The following DYTN variants were observed in gnomAD, a reference collection of about 807,000 sequenced individuals.
The protein encoded by DYTN is dystrotelin.
In DYTN, 75 loss-of-function variants were observed where a neutral mutation model predicts 69.6. That is an observed-to-expected ratio of 1.08 (90% CI 0.89 to 1.31). The LOEUF (loss-of-function observed/expected upper bound fraction) is 1.31. Ranked by LOEUF, DYTN falls within the 50% of genes most tolerant of loss-of-function variation. DYTN has a pLI of 0.00. For synonymous variants in DYTN, 252 were observed against 249.1 expected (o/e 1.01, Z -0.11); for missense variants, 726 against 688.4 (o/e 1.05, Z -0.61).
chr2:206,714,361 C>T (rs1398017246), intron 1 of DYTN, among the ~76,000 whole-genome samples: 1 of 152,136 alleles, frequency 6.6e-6, no homozygotes, highest in Non-Finnish European at 1.5e-5. Flanking sequence ...CACCACCACG[C>T]CCGGCTAATT....
chr2:206,674,618 A>G (rs929447424), intron 9 of DYTN, among the ~76,000 whole-genome samples: 79 of 152,288 alleles, frequency 5.2e-4, no homozygotes, highest in African/African-American at 1.9e-3. Flanking sequence ...ACTGATGCAG[A>G]TAAGATGGAG....
rs746456344 is a variant in DYTN, at chr2:206,693,164, C to CA, written c.980+10dup. 3 of 1,602,112 alleles carry CA rather than the reference C, an allele frequency of 1.9e-6. No individual in the cohort carries two copies. The South Asian group carries it at 3.3e-5, about 18-fold the overall frequency. On this transcript the variant is annotated intron_variant, in intron 9 of 11. Transcript: ENST00000452335. The stretch of plus-strand genomic sequence containing the variant: ...GCTCTGTGGGATCAGCCAATCCTCG[C>CA]AGCCACTCACCTGGCCTGCGCATGG...
At chr2:206,691,934 T>C (rs1699867432) in intron 9 of DYTN, among the ~76,000 whole-genome samples, 1 of 152,196 alleles carries the variant, frequency 6.6e-6, no homozygotes, top group Non-Finnish European at 1.5e-5. Flanking sequence ...AATCTATTCT[T>C]ATAGTCCTAG....
intron 9 of DYTN, among the ~76,000 whole-genome samples, chr2:206,671,933 G>A (rs1204325287): frequency 1.3e-5 from 2 of 152,206 alleles, no homozygotes; most frequent in African/African-American, 2.4e-5. Context: ...CAATGCTGTA[G>A]TAAACATAGC....
chr2:206,709,946 A>C (rs537870859), intron 2 of DYTN, among the ~76,000 whole-genome samples: 1 of 152,296 alleles, frequency 6.6e-6, no homozygotes, highest in Non-Finnish European at 1.5e-5. Flanking sequence ...AGTAGGAGAA[A>C]AGAAAAGAAA....
intron 7 of DYTN, 61 bp from the exon 8 acceptor site, chr2:206,694,938 A>G (rs1699905314): frequency 3.3e-6 from 4 of 1,226,928 alleles, no homozygotes; most frequent in Non-Finnish European, 4.4e-6. Context: ...AAAAAAAAAA[A>G]GAATATCCAG....
chr2:206,684,519 G>A (rs1434476166), intron 9 of DYTN, among the ~76,000 whole-genome samples: 1 of 152,094 alleles, frequency 6.6e-6, no homozygotes, highest in Non-Finnish European at 1.5e-5. Flanking sequence ...TGCCCATGCT[G>A]GTATCAAATT....
chr2:206,703,668 A>G (rs1386710669), intron 5 of DYTN, among the ~76,000 whole-genome samples: 2 of 152,010 alleles, frequency 1.3e-5, no homozygotes, highest in Non-Finnish European at 2.9e-5. Flanking sequence ...TCCAATCCAT[A>G]CTCCCTGTCC....
At chr2:206,655,227 T>A (rs1699434182) in intron 11 of DYTN, among the ~76,000 whole-genome samples, 1 of 150,326 alleles carries the variant, frequency 6.7e-6, no homozygotes, top group South Asian at 2.1e-4. Flanking sequence ...TTTTCCTATA[T>A]CTATTGTGAT....
intron 10 of DYTN, among the ~76,000 whole-genome samples, chr2:206,664,735 A>G (rs1699551573): frequency 6.6e-6 from 1 of 152,216 alleles, no homozygotes; most frequent in South Asian, 2.1e-4. Flanking sequence ...GCATCCTACC[A>G]CTATGAGCTT....
At chr2:206,699,612 TC>T (rs1444883349) in intron 7 of DYTN, 114 bp downstream of exon 7, 6 of 1,302,660 alleles carry the variant, frequency 4.6e-6, no homozygotes, top group African/African-American at 1.5e-5. Flanking sequence ...GCCAAAAAAG[TC>T]AACTGAATTT....
At chr2:206,669,580 A>C (rs1374158446) in intron 9 of DYTN, among the ~76,000 whole-genome samples, 1 of 152,218 alleles carries the variant, frequency 6.6e-6, no homozygotes, top group Non-Finnish European at 1.5e-5. Flanking sequence ...GGATTATATC[A>C]AAGGGAATAT....
intron 9 of DYTN, among the ~76,000 whole-genome samples, chr2:206,691,483 G>A (rs768186734): frequency 6.6e-6 from 1 of 152,078 alleles, no homozygotes; most frequent in East Asian, 1.9e-4. Context: ...AAGATCTCAA[G>A]TATCCAATAT....
At chr2:206,684,166 C>A (rs1292091234) in intron 9 of DYTN, among the ~76,000 whole-genome samples, 1 of 152,044 alleles carries the variant, frequency 6.6e-6, no homozygotes, top group Non-Finnish European at 1.5e-5. Context: ...TCTGAAAATT[C>A]TGTAGCCATT....
intron 1 of DYTN, among the ~76,000 whole-genome samples, chr2:206,712,687 C>A (rs1434836244): frequency 6.6e-6 from 1 of 152,170 alleles, no homozygotes; most frequent in African/African-American, 2.4e-5. Context: ...ACCCAGCATC[C>A]ATTTTTCTTT....
chr2:206,710,376 CTCTG>C (rs1285544781), intron 2 of DYTN, 144 bp downstream of exon 2: 2 of 661,206 alleles, frequency 3.0e-6, no homozygotes, highest in Non-Finnish European at 2.4e-6. Flanking sequence ...CCTCCATCTT[CTCTG>C]TCACGAATGG....
intron 2 of DYTN, 83 bp downstream of exon 2, chr2:206,710,441 G>C: frequency 7.8e-7 from 1 of 1,281,022 alleles, no homozygotes; most frequent in East Asian, 2.5e-5. Context: ...GCTGCATGGG[G>C]GGAGTGTTTG....
chr2:206,667,181 G>T (rs1699582353), intron 9 of DYTN, among the ~76,000 whole-genome samples: 1 of 152,108 alleles, frequency 6.6e-6, no homozygotes, highest in South Asian at 2.1e-4. Flanking sequence ...TTACAGAGGT[G>T]GACAAGCCCC....
chr2:206,715,383 T>C (rs1292211297), intron 1 of DYTN, among the ~76,000 whole-genome samples: 1 of 152,034 alleles, frequency 6.6e-6, no homozygotes, highest in African/African-American at 2.4e-5. Context: ...AGCTCTCAGA[T>C]GCATCCTTAT....
Sources: allele counts gnomAD v4.1 joint callset (sites outside exome capture counted in the v4.1 genomes callset), GRCh38; gene constraint gnomAD v4.1.1; transcripts MANE v1.5; gene names NCBI Gene and HGNC (gene_info 2026-07-23, HGNC 2026-07-21).